Variants in ATRNL1 observed in about 807,000 individuals in gnomAD.
The protein encoded by ATRNL1 is attractin-like protein 1.
A neutral mutation model predicts 182.7 loss-of-function variants in ATRNL1; 95 were observed. The observed-to-expected ratio is 0.52, with a 90% CI of 0.44 to 0.62. The LOEUF (loss-of-function observed/expected upper bound fraction) is 0.62, where lower values mean the gene tolerates loss of function less well. ATRNL1 is among the 20% of genes least tolerant of loss of function. The pLI is 0.00. For synonymous variants in ATRNL1, 576 were observed against 568.3 expected, an observed-to-expected ratio of 1.01 and a Z score of -0.19; for missense variants, 1,471 against 1,679.5, an observed-to-expected ratio of 0.88 and a Z score of 2.17.
At chr10:115,531,282 A>G (rs1163396371) in intron 25 of ATRNL1, among the ~76,000 whole-genome samples, 1 of 152,018 alleles carries the variant, frequency 6.6e-6, no homozygotes, top group African/African-American at 2.4e-5. Flanking sequence ...CATCCTCTCC[A>G]GCACCCGTTG....
At chr10:115,728,066 G>C (rs1947657166) in intron 27 of ATRNL1, among the ~76,000 whole-genome samples, 1 of 144,398 alleles carries the variant, frequency 6.9e-6, no homozygotes, top group Non-Finnish European at 1.5e-5. Context: ...ACGAGGTCAG[G>C]AGATCGCGAC....
intron 27 of ATRNL1, among the ~76,000 whole-genome samples, chr10:115,734,052 C>CA (rs1947878061): frequency 6.6e-6 from 1 of 151,916 alleles, no homozygotes; most frequent in African/African-American, 2.4e-5. Context: ...AAGTTTGATT[C>CA]AAAAATACAT....
chr10:115,683,304 CCAAA>C (rs1405955080), intron 26 of ATRNL1, among the ~76,000 whole-genome samples: 1 of 151,816 alleles, frequency 6.6e-6, no homozygotes, highest in Non-Finnish European at 1.5e-5. Flanking sequence ...TCCTAGAAGA[CCAAA>C]CAAAAAGACA....
chr10:115,613,219 A>C (rs972032917), intron 26 of ATRNL1, among the ~76,000 whole-genome samples: 2 of 152,186 alleles, frequency 1.3e-5, no homozygotes, highest in South Asian at 2.1e-4. Flanking sequence ...TTGCTGTTGC[A>C]GATGTTAGAC....
intron 25 of ATRNL1, among the ~76,000 whole-genome samples, chr10:115,544,344 T>C (rs1346768885): frequency 1.3e-5 from 2 of 152,190 alleles, no homozygotes; most frequent in African/African-American, 4.8e-5. Context: ...CTTGCAATGC[T>C]ATAAAAAATA....
chr10:115,837,669 A>G (rs564912740), intron 27 of ATRNL1, among the ~76,000 whole-genome samples: 2 of 152,294 alleles, frequency 1.3e-5, no homozygotes, highest in East Asian at 3.9e-4. Context: ...GCATTGATCA[A>G]TTATCATCTT....
chr10:115,269,347 T>G (rs181194457), intron 13 of ATRNL1, among the ~76,000 whole-genome samples: 1 of 152,244 alleles, frequency 6.6e-6, no homozygotes, highest in East Asian at 1.9e-4. Context: ...TTTGTTTTGT[T>G]TTTTTGAGAC....
chr10:115,694,557 CAG>C (rs1418114427), intron 26 of ATRNL1, among the ~76,000 whole-genome samples: 9 of 152,084 alleles, frequency 5.9e-5, no homozygotes, highest in African/African-American at 2.2e-4. Context: ...TTCAAAGACA[CAG>C]ATACTGCTAT....
chr10:115,890,228 G>A (rs1240514802), intron 28 of ATRNL1, among the ~76,000 whole-genome samples: 1 of 152,162 alleles, frequency 6.6e-6, no homozygotes, highest in African/African-American at 2.4e-5. Flanking sequence ...TAGAGCACAT[G>A]GGGACAGAGT....
intron 19 of ATRNL1, among the ~76,000 whole-genome samples, chr10:115,345,877 C>A (rs1188227503): frequency 2.6e-5 from 4 of 151,984 alleles, no homozygotes; most frequent in African/African-American, 9.7e-5. Flanking sequence ...CCTTCTTTCA[C>A]TAAATGTTAT....
intron 26 of ATRNL1, among the ~76,000 whole-genome samples, chr10:115,683,565 G>A (rs1444521459): frequency 3.3e-5 from 1 of 30,012 alleles, no homozygotes; most frequent in Non-Finnish European, 8.6e-5. Context: ...TTTTTTTTTT[G>A]CATGCCTAAT....
intron 10 of ATRNL1, among the ~76,000 whole-genome samples, chr10:115,256,038 C>A (rs1554906787): frequency 6.6e-6 from 1 of 152,166 alleles, no homozygotes; most frequent in Non-Finnish European, 1.5e-5. Context: ...ATTTGGTTTG[C>A]CAGTATTTTA....
intron 24 of ATRNL1, among the ~76,000 whole-genome samples, chr10:115,515,967 G>A (rs910107009): frequency 6.6e-6 from 1 of 151,458 alleles, no homozygotes; most frequent in Non-Finnish European, 1.5e-5. Flanking sequence ...CTAATGATGG[G>A]GTGGCCCTGA....
At chr10:115,360,991 C>T (rs542604679) in intron 19 of ATRNL1, among the ~76,000 whole-genome samples, 96 of 151,948 alleles carry the variant, frequency 6.3e-4, no homozygotes, top group Middle Eastern at 6.8e-3. Flanking sequence ...TGTCATCATG[C>T]TCTTAATAGG....
In ATRNL1 at chr10:115,592,646, C is replaced by T. The variant is rs570558614; in HGVS notation, c.3795+43110C>T. 6.3e-4 allele frequency among the ~76,000 whole-genome samples: 96 copies of T among 152,260 alleles called. No homozygotes were observed. The South Asian group carries it at 0.016, about 25-fold the overall frequency. Reference sequence around the variant, plus strand: ...ATAATATGTGGTCCTTTATGACTAGCGTCATTCACTTGGTGTAATATTTTC... The same window carrying T: ...ATAATATGTGGTCCTTTATGACTAGTGTCATTCACTTGGTGTAATATTTTC... On this transcript the variant is annotated intron_variant, in intron 26 of 28. Coordinates refer to ENST00000355044, the MANE Select transcript of ATRNL1 (RefSeq NM_207303.4).
intron 25 of ATRNL1, among the ~76,000 whole-genome samples, chr10:115,519,745 A>C (rs1291623937): frequency 6.6e-6 from 1 of 152,194 alleles, no homozygotes; most frequent in Admixed American, 6.5e-5. Context: ...CTCCACAGTG[A>C]AGCAGCTTTG....
chr10:115,391,844 T>A (rs1246861192), intron 19 of ATRNL1, among the ~76,000 whole-genome samples: 1 of 152,142 alleles, frequency 6.6e-6, no homozygotes, highest in Non-Finnish European at 1.5e-5. Context: ...TATTTGTTTA[T>A]TATTCATTTT....
At chr10:115,397,812 A>G (rs371089223) in intron 20 of ATRNL1, among the ~76,000 whole-genome samples, 3 of 152,004 alleles carry the variant, frequency 2.0e-5, no homozygotes, top group Admixed American at 2.0e-4. Flanking sequence ...TACCCTTACA[A>G]TGAAAGGGGA....
intron 26 of ATRNL1, among the ~76,000 whole-genome samples, chr10:115,641,434 G>C (rs769811065): frequency 1.3e-5 from 2 of 152,152 alleles, no homozygotes; most frequent in Admixed American, 6.6e-5. Context: ...CATTGCCCTA[G>C]TTAAACTGTC....
Sources: gnomAD v4.1 joint callset for allele counts (sites outside exome capture counted in the v4.1 genomes callset) on GRCh38, gnomAD v4.1.1 for gene constraint, MANE v1.5 for transcripts, NCBI Gene and HGNC (gene_info 2026-07-23, HGNC 2026-07-21) for gene names.